The following SDK1 variants were observed in gnomAD, a reference collection of about 807,000 sequenced individuals.
The protein encoded by SDK1 is sidekick cell adhesion molecule 1.
A neutral mutation model predicts 245.5 loss-of-function variants in SDK1; 157 were observed. The observed-to-expected ratio is 0.64, with a 90% CI of 0.56 to 0.73. The LOEUF is 0.73. Among genes scored for constraint, SDK1 ranks in the 30% least tolerant of loss-of-function variants. SDK1 has a pLI of 0.00. For missense variants in SDK1, 3,583 were observed against 3,002.3 expected (o/e 1.19, Z -4.52); for synonymous variants, 1,647 against 1,278.5 (o/e 1.29, Z -6.15).
intron 1 of SDK1, among the ~76,000 whole-genome samples, chr7:3,361,809 TA>T (rs1487210209): frequency 2.0e-5 from 3 of 152,322 alleles, no homozygotes; most frequent in African/African-American, 7.2e-5. Context: ...CAATCAAGAA[TA>T]ACCGGTGAAT....
intron 4 of SDK1, among the ~76,000 whole-genome samples, chr7:3,730,297 A>T (rs999694849): frequency 6.6e-6 from 1 of 152,198 alleles, no homozygotes; most frequent in Non-Finnish European, 1.5e-5. Context: ...TGTGGTTTTC[A>T]TGCCTGTTGT....
chr7:3,913,856 A>C (rs1026980145), intron 5 of SDK1, among the ~76,000 whole-genome samples: 1 of 152,104 alleles, frequency 6.6e-6, no homozygotes, highest in Non-Finnish European at 1.5e-5. Flanking sequence ...TTGCTTCACT[A>C]ACCTTTAAGC....
chr7:3,480,886 C>G (rs1388983540), intron 1 of SDK1, among the ~76,000 whole-genome samples: 1 of 152,156 alleles, frequency 6.6e-6, no homozygotes, highest in African/African-American at 2.4e-5. Flanking sequence ...CATCGGACTT[C>G]CAGTTAGTGT....
chr7:3,896,955 C>A (rs972134875), intron 5 of SDK1, among the ~76,000 whole-genome samples: 2 of 152,100 alleles, frequency 1.3e-5, no homozygotes, highest in Non-Finnish European at 2.9e-5. Flanking sequence ...AGGAAAGTTA[C>A]AATCATGGCA....
At chr7:3,466,258 G>A (rs1167578071) in intron 1 of SDK1, among the ~76,000 whole-genome samples, 2 of 151,486 alleles carry the variant, frequency 1.3e-5, no homozygotes, top group African/African-American at 2.4e-5. Flanking sequence ...GCTAGTTCTG[G>A]GAGCCGTGTT....
intron 4 of SDK1, among the ~76,000 whole-genome samples, chr7:3,779,946 A>C (rs1780680801): frequency 6.7e-6 from 1 of 150,142 alleles, no homozygotes; most frequent in Admixed American, 6.6e-5. Context: ...CTCAAAAAAA[A>C]AAAAAAAAAA....
At chr7:3,335,183 C>T (rs1216404041) in intron 1 of SDK1, among the ~76,000 whole-genome samples, 2 of 152,164 alleles carry the variant, frequency 1.3e-5, no homozygotes, top group Non-Finnish European at 2.9e-5. Context: ...AAACCTAAAT[C>T]ATGTCTTTCC....
At chr7:3,904,389 A>G (rs1230305160) in intron 5 of SDK1, among the ~76,000 whole-genome samples, 1 of 152,150 alleles carries the variant, frequency 6.6e-6, no homozygotes, top group African/African-American at 2.4e-5. Flanking sequence ...TGAATATAAT[A>G]TAATATAAAT....
At chr7:3,871,752 C>G (rs1171052149) in intron 5 of SDK1, among the ~76,000 whole-genome samples, 51 of 152,278 alleles carry the variant, frequency 3.3e-4, no homozygotes, top group Non-Finnish European at 1.2e-4. Flanking sequence ...GGGATCTGCC[C>G]CCATGACCCC....
At chr7:3,371,921 T>C (rs1279069023) in intron 1 of SDK1, among the ~76,000 whole-genome samples, 1 of 152,170 alleles carries the variant, frequency 6.6e-6, no homozygotes, top group East Asian at 1.9e-4. Flanking sequence ...ATTTTTAGGA[T>C]AAAACAATCC....
intron 44 of SDK1, among the ~76,000 whole-genome samples, chr7:4,246,989 CCAGCAAAAG>C (rs1027347677): frequency 1.3e-4 from 20 of 152,188 alleles, no homozygotes; most frequent in African/African-American, 4.3e-4. Context: ...CTCATACTTA[CCAGCAAAAG>C]CAGCAGAAGC....
At chr7:3,866,715 C>A (rs938206064) in intron 5 of SDK1, among the ~76,000 whole-genome samples, 2 of 152,128 alleles carry the variant, frequency 1.3e-5, no homozygotes, top group Admixed American at 6.5e-5. Context: ...CATACAGACA[C>A]CAGGCTGGTT....
intron 20 of SDK1, 48 bp downstream of exon 20, chr7:4,067,984 C>A: frequency 1.4e-6 from 2 of 1,399,630 alleles, no homozygotes; most frequent in Non-Finnish European, 2.0e-6. Flanking sequence ...TTTGTCCTCA[C>A]AAAAAGAAGT....
At chr7:3,721,606 T>C (rs1333144792) in intron 4 of SDK1, among the ~76,000 whole-genome samples, 1 of 152,206 alleles carries the variant, frequency 6.6e-6, no homozygotes, top group African/African-American at 2.4e-5. Context: ...TTGTCTCTTC[T>C]GCTCTAACCA....
At chr7:3,539,348 A>G (rs753003185) in intron 1 of SDK1, among the ~76,000 whole-genome samples, 4 of 152,214 alleles carry the variant, frequency 2.6e-5, no homozygotes, top group African/African-American at 7.2e-5. Context: ...ATAGATAGGT[A>G]GGTAGATAGA....
intron 40 of SDK1, among the ~76,000 whole-genome samples, chr7:4,225,905 A>T (rs1004129287): frequency 1.3e-5 from 2 of 151,796 alleles, no homozygotes; most frequent in Non-Finnish European, 2.9e-5. Context: ...GTCGCCAACG[A>T]TCTCCCCTTT....
chr7:3,672,796 A>ATATATATATATATATAT lies in SDK1; in HGVS notation c.713+30691_713+30692insTATATATATATATATAT, dbSNP rs1554307151. Among the ~76,000 whole-genome samples, 262 of 53,112 alleles carry ATATATATATATATATAT rather than the reference A, an allele frequency of 4.9e-3. 4 individuals are homozygous for ATATATATATATATATAT. The highest frequency in any genetic ancestry group is 6.7e-3 in the Non-Finnish European group (195 of 29,074). The allele number at this position is 53,112 out of a possible 152,430, so 34.8% of individuals were successfully genotyped here. A position where few individuals can be genotyped will look rare whatever the true frequency, so the allele number is the denominator to read the frequency against. ...ATATATATATATATATATATATATA[A>ATATATATATATATATAT]AAAATACAGAAAGCTCTAAGTATGC... On this transcript the variant is annotated intron_variant, in intron 4 of 44. Coordinates refer to ENST00000404826, the MANE Select transcript of SDK1 (RefSeq NM_152744.4).
Position 4,101,675 on chromosome 7 carries a change from C to T in SDK1, c.3325-8988C>T, listed in dbSNP as rs1463607181. 7.9e-5 allele frequency among the ~76,000 whole-genome samples: 12 copies of T among 152,254 alleles called. No homozygotes were observed. In the South Asian group the frequency reaches 8.3e-4, roughly 11 times the overall value. On this transcript the variant is annotated intron_variant, in intron 22 of 44. Transcript: ENST00000404826. The stretch of plus-strand genomic sequence containing the variant: ...AATAGAGCCTTCCACAGGCGGAGCC[C>T]GTCTTGGGAGGAAGATCGCGGTTCT...
intron 17 of SDK1, among the ~76,000 whole-genome samples, chr7:4,037,356 T>A (rs936431710): frequency 6.7e-6 from 1 of 148,546 alleles, no homozygotes; most frequent in Non-Finnish European, 1.5e-5. Flanking sequence ...GGTGGCTCAT[T>A]ACCTGTAATC....
Sources: gnomAD v4.1 joint callset for allele counts (sites outside exome capture counted in the v4.1 genomes callset) on GRCh38, gnomAD v4.1.1 for gene constraint, MANE v1.5 for transcripts, NCBI Gene and HGNC (gene_info 2026-07-23, HGNC 2026-07-21) for gene names.